The following N4BP2L2 variants were observed in gnomAD, a reference collection of about 807,000 sequenced individuals.
N4BP2L2 encodes the protein NEDD4-binding protein 2-like 2.
In N4BP2L2, 50 loss-of-function variants were observed where a neutral mutation model predicts 56.2. The observed-to-expected ratio is 0.89, with a 90% CI of 0.71 to 1.13. The LOEUF is 1.13. Ranked by LOEUF, N4BP2L2 falls within the 50% of genes most tolerant of loss-of-function variation. The pLI is 0.00. For synonymous variants in N4BP2L2, 203 were observed against 223.6 expected (o/e 0.91, Z 0.82); for missense variants, 689 against 693.8 (o/e 0.99, Z 0.08).
intron 6 of N4BP2L2, among the ~76,000 whole-genome samples, chr13:32,461,717 C>G (rs1044770976): frequency 6.6e-6 from 1 of 152,200 alleles, no homozygotes; most frequent in Non-Finnish European, 1.5e-5. Flanking sequence ...ATCCTCCTAT[C>G]TCAGCCTCCT....
intron 6 of N4BP2L2, chr13:32,480,786 T>C (rs900538987): frequency 2.6e-6 from 1 of 386,330 alleles, no homozygotes; most frequent in Admixed American, 4.5e-5. Context: ...CAAGACTGTA[T>C]AGTTAATAGA....
At chr13:32,496,364 C>A (rs74525944) in intron 6 of N4BP2L2, among the ~76,000 whole-genome samples, 2,971 of 152,156 alleles carry the variant, frequency 0.02, 63 homozygotes, top group African/African-American at 0.058. Context: ...GTATTTAAGA[C>A]CACCGCCTTA....
At position 32,457,985 on chromosome 13, in the gene N4BP2L2, T is replaced by C. The variant is rs1156251869; in HGVS notation, c.366-13859A>G. ...TATCAATAATTACCTCAAATGTAAA[T>C]GGATTAAAGTTTCCACTTAAAAGAT... On this transcript the variant is annotated intron_variant, in intron 6 of 9. Transcript: ENST00000357505. 2.0e-5 allele frequency among the ~76,000 whole-genome samples: 3 copies of C among 152,242 alleles called. No homozygotes were observed. In the East Asian group the frequency reaches 5.8e-4, roughly 29 times the overall value.
chr13:32,524,855 C>G (rs12560814), intron 3 of N4BP2L2: 1 of 152,216 alleles, frequency 6.6e-6, no homozygotes, highest in Non-Finnish European at 1.5e-5. Context: ...CTTGACCTCC[C>G]TGCCTCAAGC....
intron 2 of N4BP2L2, among the ~76,000 whole-genome samples, chr13:32,533,946 A>C (rs2055774998): frequency 6.6e-6 from 1 of 152,206 alleles, no homozygotes; most frequent in African/African-American, 2.4e-5. Context: ...GGATCCTTGA[A>C]GTCAGGAGTC....
chr13:32,519,235 C>T (rs1361733037), intron 5 of N4BP2L2, among the ~76,000 whole-genome samples: 1 of 148,062 alleles, frequency 6.8e-6, no homozygotes, highest in Non-Finnish European at 1.5e-5. Flanking sequence ...ATGGCAAAAC[C>T]GTCTCTACCA....
chr13:32,486,293 T>C (rs935222379), intron 6 of N4BP2L2, among the ~76,000 whole-genome samples: 3 of 151,962 alleles, frequency 2.0e-5, no homozygotes, highest in African/African-American at 7.3e-5. Context: ...AAATACAAAT[T>C]GGAAAGAAAG....
At chr13:32,447,452 T>C (rs1191054893) in intron 6 of N4BP2L2, among the ~76,000 whole-genome samples, 2 of 152,178 alleles carry the variant, frequency 1.3e-5, no homozygotes, top group East Asian at 1.9e-4. Flanking sequence ...TTCTGGATAC[T>C]GTTTTGAAGG....
At position 32,535,902 on chromosome 13, in the gene N4BP2L2, G is replaced by C. The variant is rs201024198; in HGVS notation, c.1126C>G (p.His376Asp). Residue 376 changes from histidine (H) to aspartate (D), a missense_variant, in exon 2 of 6, where the codon CAT becomes GAT. His to Asp is a moderately conservative substitution (Grantham distance 81). Coordinates refer to ENST00000267068, the Ensembl canonical transcript of N4BP2L2. ...GTTCCATTATGCTTGTCCATACAAT[G>C]ATCTTTCCAGCATCTTTCTCTGACT... The C allele has an allele frequency of 4.3e-4, 702 of 1,614,022 alleles. 7 individuals are homozygous for C. In the South Asian group the frequency reaches 7.1e-3, roughly 16 times the overall value.
intron 7 of N4BP2L2, among the ~76,000 whole-genome samples, chr13:32,440,298 A>G (rs1168684711): frequency 6.6e-6 from 1 of 152,142 alleles, no homozygotes; most frequent in African/African-American, 2.4e-5. Flanking sequence ...TGAGAGGTAT[A>G]GAACAACAGA....
intron 6 of N4BP2L2, among the ~76,000 whole-genome samples, chr13:32,491,222 T>C (rs1331367911): frequency 6.6e-6 from 1 of 152,180 alleles, no homozygotes; most frequent in African/African-American, 2.4e-5. Context: ...GTTATTGCAA[T>C]GTTTTTCATC....
chr13:32,458,249 T>C (rs561004927), intron 6 of N4BP2L2, among the ~76,000 whole-genome samples: 1 of 152,272 alleles, frequency 6.6e-6, no homozygotes, highest in African/African-American at 2.4e-5. Context: ...TATTTTTTAG[T>C]AGAGACGGGG....
chr13:32,515,169 G>T (rs1025791296), exon 6 of N4BP2L2: 9 of 152,098 alleles, frequency 5.9e-5, no homozygotes, highest in African/African-American at 2.2e-4. Context: ...ACTAAAGCTG[G>T]TGCAGTGGCT....
chr13:32,451,439 A>G (rs1431108453), intron 6 of N4BP2L2, among the ~76,000 whole-genome samples: 1 of 152,126 alleles, frequency 6.6e-6, no homozygotes, highest in East Asian at 1.9e-4. Flanking sequence ...TTAAAAGATA[A>G]AAGATTAATT....
In N4BP2L2 at chr13:32,435,265, G is replaced by A. The variant is rs568821120; in HGVS notation, c.*21+1096C>T. On this transcript the variant is annotated intron_variant, in intron 9 of 9. Coordinates refer to the N4BP2L2 transcript ENST00000357505. ...TAATTTTTTTTTGAGGTGGGGTCTC[G>A]CTCTGTCACCCAGGCTGGAGTGCAG... 2.1e-4 allele frequency among the ~76,000 whole-genome samples: 32 copies of A among 152,080 alleles called. 1 individual carries two copies. The highest frequency in any genetic ancestry group is 2.9e-4 in the African/African-American group (12 of 41,498).
intron 6 of N4BP2L2, among the ~76,000 whole-genome samples, chr13:32,474,105 C>T (rs534531375): frequency 7.9e-5 from 12 of 152,184 alleles, no homozygotes; most frequent in Middle Eastern, 3.4e-3. Context: ...TTTAGGAATG[C>T]CTTCACTTAG....
chr13:32,471,615 C>A (rs2082309564), intron 6 of N4BP2L2, among the ~76,000 whole-genome samples: 1 of 152,218 alleles, frequency 6.6e-6, no homozygotes, highest in Admixed American at 6.5e-5. Flanking sequence ...AAGCTGCTAA[C>A]CCTGTAAGGG....
At chr13:32,516,853 T>C (rs1408418487) in exon 6 of N4BP2L2, 1 of 975,720 alleles carries the variant, frequency 1.0e-6, no homozygotes, top group Non-Finnish European at 1.2e-6. Flanking sequence ...TAGGTAAAGC[T>C]TGGTTTGAAG....
intron 2 of N4BP2L2, among the ~76,000 whole-genome samples, chr13:32,529,470 T>C (rs1256646932): frequency 1.3e-5 from 2 of 152,194 alleles, no homozygotes; most frequent in African/African-American, 2.4e-5. Flanking sequence ...ATCTGACATA[T>C]TTGGCATCTT....
Sources: gnomAD v4.1 joint callset for allele counts (sites outside exome capture counted in the v4.1 genomes callset) on GRCh38, gnomAD v4.1.1 for gene constraint, MANE v1.5 for transcripts, NCBI Gene and HGNC (gene_info 2026-07-23, HGNC 2026-07-21) for gene names.